Variants in MYLK4 observed in about 807,000 individuals in gnomAD.
MYLK4 encodes the protein caMLCK like.
Under a neutral mutation model 48.1 loss-of-function variants are expected in MYLK4, and 46 were observed. That is an observed-to-expected ratio of 0.96 (90% CI 0.75 to 1.22). MYLK4 has a LOEUF of 1.22. MYLK4 is among the 50% of genes most tolerant of loss of function. The pLI is 0.00. For missense variants in MYLK4, 451 were observed against 486.1 expected (o/e 0.93, Z 0.68); for synonymous variants, 170 against 180.8 (o/e 0.94, Z 0.48).
chr6:2,765,591 C>CGCGCCGG, the MYLK4 span: 16 of 1,467,218 alleles, frequency 1.1e-5, no homozygotes, highest in African/African-American at 1.5e-5. Flanking sequence ...TTGCTGCGGC[C>CGCGCCGG]GCGCCGGGCG....
At chr6:2,751,405 T>C (rs1309801094), upstream of MYLK4, among the ~76,000 whole-genome samples, 2 of 152,238 alleles carry the variant, frequency 1.3e-5, no homozygotes, top group African/African-American at 2.4e-5. Flanking sequence ...CAACCATTTC[T>C]AGCTCTAGGG....
intron 2 of MYLK4, among the ~76,000 whole-genome samples, chr6:2,717,547 A>G (rs6919449): frequency 0.85 from 129,808 of 152,250 alleles, 55,432 homozygotes; most frequent in Admixed American, 0.89. Context: ...CTCTCCCGAG[A>G]TTTGGGATTA....
chr6:2,727,968 T>A (rs981815889), intron 2 of MYLK4, among the ~76,000 whole-genome samples: 5 of 135,684 alleles, frequency 3.7e-5, no homozygotes, highest in South Asian at 2.3e-4. Context: ...AAAAAAAAAA[T>A]GCTATCATTT....
intron 2 of MYLK4, among the ~76,000 whole-genome samples, chr6:2,747,507 G>A (rs4959726): frequency 0.63 from 95,129 of 151,708 alleles, 30,146 homozygotes; most frequent in Non-Finnish European, 0.67. Context: ...CACCATGCCC[G>A]CTATTTTATT....
intron 2 of MYLK4, among the ~76,000 whole-genome samples, chr6:2,746,096 C>T (rs1764082958): frequency 8.8e-6 from 1 of 113,316 alleles, no homozygotes; most frequent in Non-Finnish European, 2.0e-5. Flanking sequence ...ACTAAAAATA[C>T]AAAAAAAAAT....
chr6:2,666,676 T>G lies in MYLK4; in HGVS notation c.*1249A>C, dbSNP rs1760667298. ...ATTTTGTGGGGCTTTTCCTTGCCTC[T>G]CCTTCATGTGGAAATGACACACTCA... is the stretch of plus-strand genomic sequence containing the variant. On this transcript the variant is annotated 3_prime_UTR_variant, in exon 13 of 13. Transcript: ENST00000274643. 6.6e-6 allele frequency: 1 copy of G among 152,252 alleles called. No individual in the cohort carries two copies. Among genetic ancestry groups the G allele is most frequent in the Non-Finnish European group, 1.5e-5 (1 of 68,040 alleles). 9.4% of individuals were successfully genotyped at this position (152,252 alleles called of 1,614,324 possible).
rs1760664149 is a variant in MYLK4, at chr6:2,666,610, T to G, written c.*1315A>C. 1 of 152,192 alleles carries G rather than the reference T, an allele frequency of 6.6e-6. No homozygotes were observed. The highest frequency in any genetic ancestry group is 2.4e-5 in the African/African-American group (1 of 41,446). 9.4% of individuals were successfully genotyped at this position (152,192 alleles called of 1,614,324 possible). Reference sequence around the variant, plus strand: ...GAAATGGAAAATGTGAGAAAGCTCATGAATCTGGTTGGTGAGCTTGGAGTT... The same window carrying G: ...GAAATGGAAAATGTGAGAAAGCTCAGGAATCTGGTTGGTGAGCTTGGAGTT... On this transcript the variant is annotated 3_prime_UTR_variant, in exon 13 of 13. Transcript: ENST00000274643.
chr6:2,735,818 A>G (rs1178220642), intron 2 of MYLK4, among the ~76,000 whole-genome samples: 1 of 152,150 alleles, frequency 6.6e-6, no homozygotes, highest in Non-Finnish European at 1.5e-5. Context: ...AGAGAATGAG[A>G]GCAGGTTTGG....
chr6:2,758,253 A>G, the MYLK4 span, among the ~76,000 whole-genome samples: 3 of 152,038 alleles, frequency 2.0e-5, no homozygotes, highest in Non-Finnish European at 4.4e-5. Flanking sequence ...GTGTAACATC[A>G]CTTACTGTTA....
chr6:2,690,986 G>T (rs980781199), intron 3 of MYLK4, among the ~76,000 whole-genome samples: 1 of 151,728 alleles, frequency 6.6e-6, no homozygotes, highest in Non-Finnish European at 1.5e-5. Context: ...CCGCCACCAC[G>T]CCCGGCTAAT....
the MYLK4 span, among the ~76,000 whole-genome samples, chr6:2,761,951 C>T: frequency 1.3e-5 from 2 of 152,116 alleles, no homozygotes; most frequent in South Asian, 2.1e-4. Context: ...CTCGCTCTGT[C>T]GCCAGGCTGG....
chr6:2,683,897 T>G (rs188002870), intron 6 of MYLK4, among the ~76,000 whole-genome samples: 1 of 152,250 alleles, frequency 6.6e-6, no homozygotes, highest in Admixed American at 6.5e-5. Context: ...GATAAAGTGC[T>G]TCTCTGTGGC....
In MYLK4 at chr6:2,723,564, G is replaced by T. The variant is rs74567604; in HGVS notation, c.159+25572C>A. The stretch of plus-strand genomic sequence containing the variant: ...CGCCCTCGCTGGCACCCCAGGGTCT[G>T]CGTTTGCTCTTTCACTTAGAATCAA... On this transcript the variant is annotated intron_variant, in intron 2 of 12. Transcript: ENST00000274643. Among the ~76,000 whole-genome samples the T allele has an allele frequency of 5.3e-4, 80 of 152,360 alleles. 1 individual carries two copies. The East Asian group carries it at 9.6e-3, about 18-fold the overall frequency.
Position 2,749,222 on chromosome 6 carries a change from A to G in MYLK4, c.73T>C (p.Phe25Leu), listed in dbSNP as rs778695139. ...NSNQLEKMAF[F>L]QCREEVEKVK... ...TTCTCCACCTCTTCCCTGCACTGAAAAAAGGCCATTTTCTCCAGCTGGTTG... is the reference window on the plus strand; with the variant it reads ...TTCTCCACCTCTTCCCTGCACTGAAGAAAGGCCATTTTCTCCAGCTGGTTG... Residue 25 changes from phenylalanine to leucine, a missense_variant, in exon 2 of 13, where the codon TTT becomes CTT. By Grantham distance (22) the Phe-to-Leu change is conservative. Coordinates refer to ENST00000274643, the MANE Select transcript of MYLK4 (RefSeq NM_001012418.5). The G allele has an allele frequency of 1.2e-6, 2 of 1,614,158 alleles. No homozygotes were observed. Among genetic ancestry groups the G allele is most frequent in the African/African-American group, 2.7e-5 (2 of 75,046 alleles).
the MYLK4 span, among the ~76,000 whole-genome samples, chr6:2,764,032 TGA>T: frequency 6.6e-6 from 1 of 152,112 alleles, no homozygotes; most frequent in African/African-American, 2.4e-5. Flanking sequence ...CTCGAGAGGC[TGA>T]GACAGCAGAA....
chr6:2,762,354 C>T, the MYLK4 span, among the ~76,000 whole-genome samples: 5 of 152,066 alleles, frequency 3.3e-5, no homozygotes, highest in African/African-American at 1.2e-4. Context: ...CTTAAGGTAC[C>T]AAAATACTAA....
chr6:2,722,792 T>C (rs973968769), intron 2 of MYLK4, among the ~76,000 whole-genome samples: 3 of 152,126 alleles, frequency 2.0e-5, no homozygotes, highest in African/African-American at 7.2e-5. Context: ...ACATTATAAC[T>C]CTTCAAATTA....
chr6:2,682,495 C>G (rs904722579), intron 7 of MYLK4, among the ~76,000 whole-genome samples: 8 of 152,182 alleles, frequency 5.3e-5, no homozygotes, highest in African/African-American at 1.9e-4. Context: ...CTCCTTAGCA[C>G]TTTGGCCCCA....
At chr6:2,679,519 GACAA>G (rs1761215682) in intron 8 of MYLK4, 111 bp from the exon 9 acceptor site, 1 of 1,321,190 alleles carries the variant, frequency 7.6e-7, no homozygotes, top group Non-Finnish European at 1.1e-6. Flanking sequence ...GCAAACTTCA[GACAA>G]ACAAACATTG....
Sources: gnomAD v4.1 joint callset for allele counts (sites outside exome capture counted in the v4.1 genomes callset) on GRCh38, gnomAD v4.1.1 for gene constraint, MANE v1.5 for transcripts, NCBI Gene and HGNC (gene_info 2026-07-23, HGNC 2026-07-21) for gene names.